ARHGAP32: variants seen among roughly 807,000 people sequenced by gnomAD.
The protein encoded by ARHGAP32 is Rho GTPase activating protein 32, also known as rho GTPase-activating protein 32.
ARHGAP32 carries 51 observed loss-of-function variants against 186.5 expected under a neutral mutation model. That is an observed-to-expected ratio of 0.27 (90% CI 0.22 to 0.35). ARHGAP32 has a LOEUF of 0.35. Among genes scored for constraint, ARHGAP32 ranks in the 10% least tolerant of loss-of-function variants. ARHGAP32 has a pLI of 1.00. For missense variants in ARHGAP32, 2,186 were observed against 2,623.5 expected (o/e 0.83, Z 3.64); for synonymous variants, 950 against 964.3 (o/e 0.99, Z 0.27).
intron 1 of ARHGAP32, among the ~76,000 whole-genome samples, chr11:129,211,530 T>TC (rs1944582565): frequency 6.6e-6 from 1 of 152,144 alleles, no homozygotes; most frequent in Non-Finnish European, 1.5e-5. Flanking sequence ...TTCAGTGCCT[T>TC]CTATGCAAGC....
Position 128,973,174 on chromosome 11 carries a change from T to C in ARHGAP32, c.3332A>G (p.Tyr1111Cys), listed in dbSNP as rs533079511. Residue 1111 changes from tyrosine to cysteine, a missense_variant, in exon 22 of 23, where the codon TAT (tyrosine) becomes TGT (cysteine). Coordinates refer to ENST00000682385, the MANE Select transcript of ARHGAP32 (RefSeq NM_001378024.1). Reference sequence around the variant, plus strand: ...CTCTGCTGGTCGATCGGTTTGGAAATAGGCCTTATCTAGAGCAACTGCAGA... The same window carrying C: ...CTCTGCTGGTCGATCGGTTTGGAAACAGGCCTTATCTAGAGCAACTGCAGA... ...SYSAVALDKA[Y>C]FQTDRPAEQF... The C allele has an allele frequency of 2.5e-6, 4 of 1,614,176 alleles. No homozygotes were observed. Among genetic ancestry groups the C allele is most frequent in the East Asian group, 2.2e-5 (1 of 44,870 alleles).
chr11:129,248,581 A>G (rs1945135486), intron 1 of ARHGAP32, among the ~76,000 whole-genome samples: 1 of 152,084 alleles, frequency 6.6e-6, no homozygotes, highest in Non-Finnish European at 1.5e-5. Context: ...CAACCTTTTG[A>G]TTATTCTTTT....
chr11:129,276,171 T>C (rs1252827742), intron 1 of ARHGAP32, among the ~76,000 whole-genome samples: 2 of 152,228 alleles, frequency 1.3e-5, no homozygotes, highest in African/African-American at 2.4e-5. Context: ...TTGATCTGTC[T>C]CCAAGTAATT....
chr11:129,173,898 A>C (rs1943831740), intron 1 of ARHGAP32, among the ~76,000 whole-genome samples: 1 of 152,194 alleles, frequency 6.6e-6, no homozygotes. Context: ...TTGGGGAAAA[A>C]AAGCAAGAAA....
At chr11:129,019,214 T>C (rs1938491356) in intron 11 of ARHGAP32, among the ~76,000 whole-genome samples, 2 of 152,150 alleles carry the variant, frequency 1.3e-5, no homozygotes, top group African/African-American at 4.8e-5. Flanking sequence ...CTCCCAGTCC[T>C]ACAAAGGCAG....
intron 1 of ARHGAP32, among the ~76,000 whole-genome samples, chr11:129,222,261 C>T (rs2135615317): frequency 6.6e-6 from 1 of 152,144 alleles, no homozygotes; most frequent in Middle Eastern, 3.4e-3. Flanking sequence ...TAACTTGGTC[C>T]AGTTTTACCA....
chr11:129,113,416 G>A (rs1014496445), intron 5 of ARHGAP32, among the ~76,000 whole-genome samples: 1 of 151,942 alleles, frequency 6.6e-6, no homozygotes, highest in African/African-American at 2.4e-5. Context: ...TCTTGATTAG[G>A]AATCGCACCA....
chr11:129,007,347 C>G (rs1197688448), intron 11 of ARHGAP32, among the ~76,000 whole-genome samples: 1 of 152,002 alleles, frequency 6.6e-6, no homozygotes, highest in African/African-American at 2.4e-5. Context: ...GCCAGCATAT[C>G]TCAGAGTCTC....
chr11:128,985,174 A>G (rs553225225), intron 15 of ARHGAP32, among the ~76,000 whole-genome samples: 1 of 152,232 alleles, frequency 6.6e-6, no homozygotes, highest in South Asian at 2.1e-4. Context: ...GCGTGCTACC[A>G]TGCCCGGCTA....
intron 5 of ARHGAP32, among the ~76,000 whole-genome samples, chr11:129,103,428 TA>T (rs1207359700): frequency 7.4e-6 from 1 of 135,822 alleles, no homozygotes; most frequent in African/African-American, 2.8e-5. Context: ...CAAACACATA[TA>T]ACCATAGATA....
At chr11:129,247,175 A>T (rs1452150716) in intron 1 of ARHGAP32, among the ~76,000 whole-genome samples, 1 of 152,340 alleles carries the variant, frequency 6.6e-6, no homozygotes, top group East Asian at 1.9e-4. Flanking sequence ...CACAATTCTC[A>T]GGAGTAGAAA....
intron 1 of ARHGAP32, among the ~76,000 whole-genome samples, chr11:129,274,116 C>T (rs1459063824): frequency 1.3e-5 from 2 of 152,168 alleles, no homozygotes; most frequent in East Asian, 3.9e-4. Flanking sequence ...AACCAAACAC[C>T]CATTTCTCAC....
intron 11 of ARHGAP32, among the ~76,000 whole-genome samples, chr11:129,003,793 G>A (rs1937630134): frequency 6.6e-6 from 1 of 151,722 alleles, no homozygotes; most frequent in Admixed American, 6.6e-5. Context: ...TCTGGCTAAA[G>A]GTTTGTCAAT....
Position 129,123,382 on chromosome 11 carries a change from G to T in ARHGAP32, c.444+64C>A. On this transcript the variant is annotated intron_variant, in intron 5 of 22. Transcript: ENST00000682385. The surrounding 1 kb of genome is among the most constrained non-coding windows in gnomAD (Gnocchi z 4.6). ...CTATTAGATACAGATATATAGATAA[G>T]CATCTAGATATAAAGGTAAATGTGT... 7.7e-7 allele frequency: 1 copy of T among 1,297,236 alleles called. No individual in the cohort carries two copies. Among genetic ancestry groups the T allele is most frequent in the Non-Finnish European group, 1.1e-6 (1 of 907,606 alleles). The allele number at this position is 1,297,236 out of a possible 1,614,324, so 80.4% of individuals were successfully genotyped here. A position where few individuals can be genotyped will look rare whatever the true frequency, so the allele number is the denominator to read the frequency against.
At chr11:129,202,402 T>G (rs958648350) in intron 1 of ARHGAP32, among the ~76,000 whole-genome samples, 4 of 151,964 alleles carry the variant, frequency 2.6e-5, no homozygotes, top group African/African-American at 9.7e-5. Flanking sequence ...ATTGAACGAC[T>G]GAAAAATCTA....
chr11:129,044,439 C>T (rs1285158073), intron 10 of ARHGAP32, among the ~76,000 whole-genome samples: 1 of 152,092 alleles, frequency 6.6e-6, no homozygotes, highest in Non-Finnish European at 1.5e-5. Context: ...TGGCGATGAC[C>T]TTGAGCAGTA....
chr11:129,125,042 A>T, intron 2 of ARHGAP32, 148 bp from the exon 3 acceptor site: 1 of 535,664 alleles, frequency 1.9e-6, no homozygotes, highest in Non-Finnish European at 3.2e-6. Flanking sequence ...ACTGAGTTTT[A>T]ATTATTAAGA....
At chr11:129,139,077 T>C (rs1287697730) in intron 2 of ARHGAP32, among the ~76,000 whole-genome samples, 1 of 152,186 alleles carries the variant, frequency 6.6e-6, no homozygotes, top group Non-Finnish European at 1.5e-5. Flanking sequence ...ATTTTAAAAC[T>C]TTCTAAGACT....
intron 2 of ARHGAP32, among the ~76,000 whole-genome samples, chr11:129,140,656 G>C (rs1402003490): frequency 6.6e-6 from 1 of 152,110 alleles, no homozygotes; most frequent in Non-Finnish European, 1.5e-5. Flanking sequence ...CCTTCTTAAG[G>C]CTTCCTCAAA....
Sources: gnomAD v4.1 joint callset for allele counts (sites outside exome capture counted in the v4.1 genomes callset) on GRCh38, gnomAD v4.1.1 for gene constraint, Gnocchi (gnomAD v3.1) non-coding constraint, MANE v1.5 for transcripts, NCBI Gene and HGNC (gene_info 2026-07-23, HGNC 2026-07-21) for gene names.